The following DAB1 variants were observed in gnomAD, a reference collection of about 807,000 sequenced individuals.
DAB1 encodes the protein disabled homolog 1.
Under a neutral mutation model 64.6 loss-of-function variants are expected in DAB1, and 15 were observed. The ratio of observed to expected loss-of-function variants is 0.23; its 90% CI spans 0.16 to 0.36. The LOEUF (loss-of-function observed/expected upper bound fraction) is 0.36, where lower values mean the gene tolerates loss of function less well. DAB1 is among the 10% of genes least tolerant of loss of function. The pLI, the probability that DAB1 is intolerant of heterozygous loss-of-function variation, is 1.00. For missense variants in DAB1, 596 were observed against 706.7 expected, an observed-to-expected ratio of 0.84 and a Z score of 1.78; for synonymous variants, 235 against 251.9, an observed-to-expected ratio of 0.93 and a Z score of 0.64.
chr1:57,934,216 GCCCGGC>G (rs1160029110), intron 5 of DAB1, among the ~76,000 whole-genome samples: 1 of 152,022 alleles, frequency 6.6e-6, no homozygotes, highest in Non-Finnish European at 1.5e-5. Flanking sequence ...GAGCCACTGC[GCCCGGC>G]CCTAGTCTTT....
At chr1:58,440,037 G>A (rs1054888489) in intron 3 of DAB1, among the ~76,000 whole-genome samples, 14 of 152,170 alleles carry the variant, frequency 9.2e-5, no homozygotes, top group Admixed American at 2.6e-4. Context: ...ATTTTAGGGA[G>A]GACTAGACAC....
At chr1:57,041,167 T>A (rs1407576055) in intron 9 of DAB1, among the ~76,000 whole-genome samples, 1 of 152,194 alleles carries the variant, frequency 6.6e-6, no homozygotes, top group Non-Finnish European at 1.5e-5. Flanking sequence ...ATGCAAAATG[T>A]TTTTGCTTTT....
chr1:58,140,699 T>C (rs1654234466), intron 5 of DAB1, among the ~76,000 whole-genome samples: 1 of 152,208 alleles, frequency 6.6e-6, no homozygotes, highest in South Asian at 2.1e-4. Flanking sequence ...TTTGTTCTGT[T>C]TCCCTAAGGT....
At chr1:57,996,855 T>C (rs139287723) in intron 5 of DAB1, among the ~76,000 whole-genome samples, 104 of 152,272 alleles carry the variant, frequency 6.8e-4, no homozygotes, top group Non-Finnish European at 7.8e-4. Flanking sequence ...TGATTCGTTT[T>C]AATGCCAGGC....
intron 1 of DAB1, among the ~76,000 whole-genome samples, chr1:57,857,043 A>T (rs1653786758): frequency 6.6e-6 from 1 of 152,188 alleles, no homozygotes; most frequent in Non-Finnish European, 1.5e-5. Flanking sequence ...ATCTTTGGAA[A>T]GTGTTCATTG....
intron 7 of DAB1, among the ~76,000 whole-genome samples, chr1:57,595,387 G>C (rs1645496181): frequency 6.6e-6 from 1 of 151,642 alleles, no homozygotes; most frequent in African/African-American, 2.4e-5. Flanking sequence ...CCTGGTCCTG[G>C]GGCTATCTCT....
chr1:57,310,981 G>C (rs1319420509), intron 1 of DAB1, among the ~76,000 whole-genome samples: 1 of 151,616 alleles, frequency 6.6e-6, no homozygotes, highest in Non-Finnish European at 1.5e-5. Context: ...AGGTGACAGA[G>C]CAAGAGCCCA....
intron 2 of DAB1, among the ~76,000 whole-genome samples, chr1:57,264,907 T>C (rs1276623971): frequency 6.6e-6 from 1 of 152,070 alleles, no homozygotes; most frequent in Non-Finnish European, 1.5e-5. Flanking sequence ...AATAACTGCT[T>C]ACATTTGTAG....
intron 2 of DAB1, among the ~76,000 whole-genome samples, chr1:57,185,898 C>T (rs1485038246): frequency 1.3e-5 from 2 of 152,100 alleles, no homozygotes; most frequent in African/African-American, 4.8e-5. Flanking sequence ...TCCCCGAGTA[C>T]GAGATTCCAG....
chr1:57,579,325 A>T (rs1645285869), intron 7 of DAB1, among the ~76,000 whole-genome samples: 1 of 152,136 alleles, frequency 6.6e-6, no homozygotes. Context: ...TTGAAGAGAA[A>T]CTCAGCAGAG....
At chr1:58,189,574 A>G (rs996186185) in intron 4 of DAB1, among the ~76,000 whole-genome samples, 2 of 152,144 alleles carry the variant, frequency 1.3e-5, no homozygotes, top group Admixed American at 6.6e-5. Flanking sequence ...CCACCCCAGC[A>G]TCCCGCTAAC....
At chr1:57,488,008 T>C (rs1310334440) in intron 7 of DAB1, among the ~76,000 whole-genome samples, 3 of 152,222 alleles carry the variant, frequency 2.0e-5, no homozygotes, top group Non-Finnish European at 4.4e-5. Flanking sequence ...TATATTGCTA[T>C]TGAGTATATC....
intron 7 of DAB1, among the ~76,000 whole-genome samples, chr1:57,593,013 C>T (rs1276192384): frequency 6.6e-6 from 1 of 152,234 alleles, no homozygotes; most frequent in Non-Finnish European, 1.5e-5. Context: ...GTCCATAACA[C>T]TGTCTTAACC....
rs560058160 is a variant in DAB1 at position 57,526,556 on chromosome 1, G to A, written n.625+123036C>T. Among the ~76,000 whole-genome samples, 284 of 152,266 alleles carry A rather than the reference G, an allele frequency of 1.9e-3. 3 individuals carry two copies. The highest frequency in any genetic ancestry group is 3.3e-3 in the Non-Finnish European group (226 of 68,024). ...CAGGATTCTGCCAGAATAAACTAGGGAAACTTCCAAAGCATTATAACTCTG... is the reference window on the plus strand; with the variant it reads ...CAGGATTCTGCCAGAATAAACTAGGAAAACTTCCAAAGCATTATAACTCTG... On this transcript the variant is annotated intron_variant and non_coding_transcript_variant, in intron 7 of 20. Transcript: ENST00000485760.
intron 3 of DAB1, among the ~76,000 whole-genome samples, chr1:58,379,959 T>A (rs1644372337): frequency 6.6e-6 from 1 of 152,162 alleles, no homozygotes; most frequent in Non-Finnish European, 1.5e-5. Context: ...GGTGTAGATA[T>A]GTACCTATGT....
At chr1:57,093,138 G>A (rs556080341) in intron 4 of DAB1, among the ~76,000 whole-genome samples, 1 of 152,316 alleles carries the variant, frequency 6.6e-6, no homozygotes, top group Admixed American at 6.5e-5. Context: ...CCTAGGTTCT[G>A]CAAAAGGTCA....
At chr1:57,720,334 A>G (rs1026441736) in intron 6 of DAB1, among the ~76,000 whole-genome samples, 3 of 152,176 alleles carry the variant, frequency 2.0e-5, no homozygotes, top group African/African-American at 7.2e-5. Context: ...AGAGTACTTG[A>G]GAGAGTTAAG....
At chr1:58,090,760 A>G (rs1650604426) in intron 5 of DAB1, among the ~76,000 whole-genome samples, 1 of 152,192 alleles carries the variant, frequency 6.6e-6, no homozygotes, top group Admixed American at 6.5e-5. Context: ...GACACAGCCC[A>G]GTACAGAGTC....
chr1:57,019,296 A>C (rs1377555957), intron 11 of DAB1, among the ~76,000 whole-genome samples: 1 of 152,158 alleles, frequency 6.6e-6, no homozygotes, highest in Non-Finnish European at 1.5e-5. Flanking sequence ...ACAATGCATA[A>C]GTGCTGTGAT....
Sources: allele counts gnomAD v4.1 joint callset (sites outside exome capture counted in the v4.1 genomes callset), GRCh38; gene constraint gnomAD v4.1.1; transcripts MANE v1.5; gene names NCBI Gene and HGNC (gene_info 2026-07-23, HGNC 2026-07-21).